TCERG1L: variants seen among roughly 807,000 people sequenced by gnomAD.
TCERG1L encodes the protein transcription elongation regulator 1 like.
A neutral mutation model predicts 56.3 loss-of-function variants in TCERG1L; 37 were observed. That is an observed-to-expected ratio of 0.66 (90% CI 0.51 to 0.87). TCERG1L has a LOEUF of 0.87. Ranked by LOEUF, TCERG1L falls within the 40% of genes least tolerant of loss-of-function variation. The probability of loss-of-function intolerance (pLI) is 0.00; values close to 1 mark genes in which losing one functional copy is unlikely to be tolerated. For missense variants in TCERG1L, 799 were observed against 774.2 expected (o/e 1.03, Z -0.38); for synonymous variants, 324 against 326.3 (o/e 0.99, Z 0.08).
chr10:131,190,259 GCAGTGAGATAGAAT>G (rs149802725), intron 4 of TCERG1L, among the ~76,000 whole-genome samples: 26,694 of 151,912 alleles, frequency 0.18, 2,512 homozygotes, highest in Middle Eastern at 0.23. Flanking sequence ...CAAAAAACAA[GCAGTGAGATAGAAT>G]CAGTAATTTT....
intron 6 of TCERG1L, among the ~76,000 whole-genome samples, chr10:131,160,079 A>G (rs1845961362): frequency 1.3e-5 from 2 of 152,082 alleles, no homozygotes; most frequent in Admixed American, 6.5e-5. Context: ...CCCTCCCTCT[A>G]TGGTACTGCA....
chr10:131,305,326 C>T (rs1044747751), intron 3 of TCERG1L, among the ~76,000 whole-genome samples: 1 of 152,040 alleles, frequency 6.6e-6, no homozygotes, highest in African/African-American at 2.4e-5. Flanking sequence ...AAAATGGGGT[C>T]CTTTATAATG....
intron 3 of TCERG1L, among the ~76,000 whole-genome samples, chr10:131,273,407 C>T (rs1391145477): frequency 1.3e-5 from 2 of 152,234 alleles, no homozygotes; most frequent in African/African-American, 2.4e-5. Flanking sequence ...TGGAGAGTCC[C>T]TTGGCCAAAG....
chr10:131,257,071 A>C (rs2133539574), intron 4 of TCERG1L, among the ~76,000 whole-genome samples: 1 of 151,302 alleles, frequency 6.6e-6, no homozygotes, highest in Non-Finnish European at 1.5e-5. Context: ...AGAAAGAAAA[A>C]AAAAAAGTTC....
intron 3 of TCERG1L, among the ~76,000 whole-genome samples, chr10:131,280,739 T>C (rs1465113828): frequency 6.6e-6 from 1 of 152,162 alleles, no homozygotes; most frequent in East Asian, 1.9e-4. Context: ...CTGTTCTCTG[T>C]GGTTGTGCTT....
chr10:131,281,826 G>A (rs1214289007), intron 3 of TCERG1L, among the ~76,000 whole-genome samples: 1 of 141,568 alleles, frequency 7.1e-6, no homozygotes, highest in Non-Finnish European at 1.6e-5. Flanking sequence ...TAAAAGTGAG[G>A]ACTGCCTGAG....
intron 4 of TCERG1L, among the ~76,000 whole-genome samples, chr10:131,169,753 C>T (rs184310443): frequency 2.2e-4 from 34 of 152,214 alleles, no homozygotes; most frequent in East Asian, 9.7e-4. Context: ...CAGAAATGCA[C>T]GTCTGTATCT....
chr10:131,195,523 C>A (rs1470894657), intron 4 of TCERG1L, among the ~76,000 whole-genome samples: 1 of 152,228 alleles, frequency 6.6e-6, no homozygotes, highest in Non-Finnish European at 1.5e-5. Flanking sequence ...CCTTGCTGCT[C>A]TTCCCAATCC....
intron 9 of TCERG1L, among the ~76,000 whole-genome samples, chr10:131,111,506 T>G (rs540156851): frequency 7.0e-6 from 1 of 143,204 alleles, no homozygotes; most frequent in African/African-American, 2.5e-5. Context: ...ATGGCCATAA[T>G]AGACCGGGAG....
intron 4 of TCERG1L, among the ~76,000 whole-genome samples, chr10:131,190,202 C>T (rs983014952): frequency 6.6e-6 from 1 of 152,142 alleles, no homozygotes; most frequent in African/African-American, 2.4e-5. Flanking sequence ...TGGAAACATA[C>T]AACCCTCTTA....
intron 6 of TCERG1L, among the ~76,000 whole-genome samples, chr10:131,150,517 C>A (rs1408837938): frequency 1.3e-5 from 2 of 152,198 alleles, no homozygotes; most frequent in Non-Finnish European, 2.9e-5. Flanking sequence ...GCTTGGGGAG[C>A]TTTCCTAACT....
intron 4 of TCERG1L, among the ~76,000 whole-genome samples, chr10:131,174,787 C>G (rs1846130169): frequency 6.6e-6 from 1 of 152,154 alleles, no homozygotes; most frequent in South Asian, 2.1e-4. Flanking sequence ...AGCGTGGCTT[C>G]CTCCACAAGA....
At chr10:131,200,194 T>C (rs1845416400) in intron 4 of TCERG1L, among the ~76,000 whole-genome samples, 1 of 152,222 alleles carries the variant, frequency 6.6e-6, no homozygotes, top group African/African-American at 2.4e-5. Context: ...GTTGGGTATA[T>C]TTTATGGCAA....
intron 4 of TCERG1L, among the ~76,000 whole-genome samples, chr10:131,214,415 T>A (rs1220671512): frequency 1.3e-5 from 2 of 152,212 alleles, no homozygotes; most frequent in African/African-American, 4.8e-5. Context: ...AATACGTCTT[T>A]AACTCTTGAT....
At chr10:131,279,051 G>T (rs1392021606) in intron 3 of TCERG1L, among the ~76,000 whole-genome samples, 1 of 152,168 alleles carries the variant, frequency 6.6e-6, no homozygotes, top group Non-Finnish European at 1.5e-5. Flanking sequence ...TGCCTGATGG[G>T]GTTCAGCTCT....
intron 4 of TCERG1L, among the ~76,000 whole-genome samples, chr10:131,209,918 G>A (rs1449185841): frequency 6.6e-6 from 1 of 152,042 alleles, no homozygotes; most frequent in Non-Finnish European, 1.5e-5. Context: ...AAAATAGCAA[G>A]GTTACAAATA....
intron 3 of TCERG1L, among the ~76,000 whole-genome samples, chr10:131,298,423 T>C (rs899966242): frequency 6.6e-6 from 1 of 151,118 alleles, no homozygotes; most frequent in Non-Finnish European, 1.5e-5. Flanking sequence ...TGTGTAAACT[T>C]TTTTTTTTGA....
chr10:131,106,534 G>A (rs1408565135), intron 9 of TCERG1L, among the ~76,000 whole-genome samples: 1 of 152,178 alleles, frequency 6.6e-6, no homozygotes, highest in Non-Finnish European at 1.5e-5. Flanking sequence ...CATGCCTGGG[G>A]GTGCAAGAGC....
intron 6 of TCERG1L, chr10:131,160,947 G>T (rs935327894): frequency 2.6e-5 from 4 of 152,232 alleles, no homozygotes; most frequent in African/African-American, 9.6e-5. Context: ...AGCTGTGTGA[G>T]GATTCCACAG....
Sources: allele counts gnomAD v4.1 joint callset (sites outside exome capture counted in the v4.1 genomes callset), GRCh38; gene constraint gnomAD v4.1.1; transcripts MANE v1.5; gene names NCBI Gene and HGNC (gene_info 2026-07-23, HGNC 2026-07-21).